The following MAP3K7 variants were observed in gnomAD, a reference collection of about 807,000 sequenced individuals.
MAP3K7 encodes TGF-beta activated kinase 1.
MAP3K7 carries 21 observed loss-of-function variants against 84.8 expected under a neutral mutation model. The observed-to-expected ratio is 0.25, with a 90% CI of 0.18 to 0.36. The LOEUF (loss-of-function observed/expected upper bound fraction) is 0.36, where lower values mean the gene tolerates loss of function less well. MAP3K7 is among the 10% of genes least tolerant of loss of function. MAP3K7 has a pLI of 1.00. For synonymous variants in MAP3K7, 241 were observed against 247.7 expected (o/e 0.97, Z 0.25); for missense variants, 503 against 747.7 (o/e 0.67, Z 3.82).
intron 9 of MAP3K7, among the ~76,000 whole-genome samples, chr6:90,550,175 T>C (rs1464263994): frequency 6.6e-6 from 1 of 152,158 alleles, no homozygotes; most frequent in Non-Finnish European, 1.5e-5. Flanking sequence ...GTAGTATGCA[T>C]GTAAAAGTGA....
At chr6:90,530,133 A>G (rs572815990) in intron 13 of MAP3K7, among the ~76,000 whole-genome samples, 4 of 152,352 alleles carry the variant, frequency 2.6e-5, no homozygotes, top group African/African-American at 9.6e-5. Flanking sequence ...GCCCATAGTT[A>G]TAACTGCTAT....
rs1234901635 is a variant in MAP3K7 at position 90,515,570 on chromosome 6, C to T, written c.*931G>A. On this transcript the variant is annotated 3_prime_UTR_variant, in exon 17 of 17. Transcript: ENST00000369329. ...GGTATCATAAAAAGAAATCTAAGTC[C>T]AAGCTTTTTTTAGCTGGAGTAATTA... 4 of 151,364 alleles carry T rather than the reference C, an allele frequency of 2.6e-5. No homozygotes were observed. Among genetic ancestry groups the T allele is most frequent in the Non-Finnish European group, 4.4e-5 (3 of 67,778 alleles). The allele number at this position is 151,364 out of a possible 1,614,324, so 9.4% of individuals were successfully genotyped here. A position where few individuals can be genotyped will look rare whatever the true frequency, so the allele number is the denominator to read the frequency against.
At chr6:90,580,926 AAAC>A (rs1414483135) in intron 1 of MAP3K7, among the ~76,000 whole-genome samples, 8 of 152,226 alleles carry the variant, frequency 5.3e-5, no homozygotes, top group Non-Finnish European at 1.0e-4. Context: ...CCTATGGTTG[AAAC>A]CTCTTTGTTT....
chr6:90,539,984 AC>A (rs1775804823), intron 12 of MAP3K7, among the ~76,000 whole-genome samples: 1 of 152,002 alleles, frequency 6.6e-6, no homozygotes. Context: ...AAAAGCGAAT[AC>A]GCGTTTTTTA....
chr6:90,565,352 T>C (rs935915416), intron 3 of MAP3K7, among the ~76,000 whole-genome samples: 2 of 151,940 alleles, frequency 1.3e-5, no homozygotes, highest in African/African-American at 2.4e-5. Context: ...AAGAATCAAA[T>C]AGACACGATA....
intron 13 of MAP3K7, among the ~76,000 whole-genome samples, chr6:90,525,189 A>G (rs1455169150): frequency 6.6e-6 from 1 of 152,124 alleles, no homozygotes; most frequent in African/African-American, 2.4e-5. Context: ...GAGAAAACAG[A>G]AAGTTAAAGG....
At chr6:90,584,227 T>C (rs1777370088) in intron 1 of MAP3K7, among the ~76,000 whole-genome samples, 1 of 152,148 alleles carries the variant, frequency 6.6e-6, no homozygotes, top group Non-Finnish European at 1.5e-5. Flanking sequence ...GAACTGGAAG[T>C]GTAATCTAAG....
intron 12 of MAP3K7, among the ~76,000 whole-genome samples, chr6:90,538,973 A>C (rs1423059975): frequency 6.6e-6 from 1 of 151,954 alleles, no homozygotes; most frequent in Non-Finnish European, 1.5e-5. Context: ...CCTAAATGTT[A>C]GAAATTTTGA....
At chr6:90,517,769 A>G (rs1226976528) in intron 16 of MAP3K7, among the ~76,000 whole-genome samples, 1 of 151,780 alleles carries the variant, frequency 6.6e-6, no homozygotes, top group Non-Finnish European at 1.5e-5. Context: ...ATTCAGAAAA[A>G]AACAACTTTC....
At chr6:90,545,063 T>C (rs748477511) in intron 11 of MAP3K7, among the ~76,000 whole-genome samples, 7 of 152,152 alleles carry the variant, frequency 4.6e-5, no homozygotes, top group Non-Finnish European at 8.8e-5. Flanking sequence ...ATGTTCAAGT[T>C]AGGTGTTTCT....
intron 5 of MAP3K7, 60 bp downstream of exon 5, chr6:90,560,016 G>A (rs1271427871): frequency 6.3e-7 from 1 of 1,594,594 alleles, no homozygotes; most frequent in African/African-American, 1.3e-5. Flanking sequence ...TGGGTTCGGG[G>A]TGGTGAGAGT....
At position 90,552,051 on chromosome 6, in the gene MAP3K7, G is replaced by A. The variant is rs2127974407; in HGVS notation, c.865C>T (p.Arg289Trp). 1 of 1,607,020 alleles carries A rather than the reference G, an allele frequency of 6.2e-7. No homozygotes were observed. The highest frequency in any genetic ancestry group is 1.1e-5 in the South Asian group (1 of 90,362). ...GCCCCTCAAAAGAAGGATTATACCC[G>A]CATCAAGTGAGTCATTATTTTCACA... ...EIVKIMTHLM[R>W]YFPGADEPLQ... Residue 289 changes from arginine to tryptophan, a missense_variant and splice_region_variant, in exon 8 of 17, where the codon CGG (arginine) becomes TGG (tryptophan). By Grantham distance (101) the Arg-to-Trp change is moderately radical. Around this residue, in one of 5 missense-constraint regions of MAP3K7, gnomAD observed 286 missense variants for 313.6 expected, o/e 0.91. Transcript: ENST00000369329.
chr6:90,561,996 G>A (rs1440289921), intron 3 of MAP3K7, among the ~76,000 whole-genome samples: 1 of 152,142 alleles, frequency 6.6e-6, no homozygotes, highest in Non-Finnish European at 1.5e-5. Context: ...TCACCTAAAA[G>A]AACTCTTCCG....
intron 2 of MAP3K7, among the ~76,000 whole-genome samples, chr6:90,570,809 T>C (rs157431): frequency 0.07 from 10,702 of 152,244 alleles, 1,302 homozygotes; most frequent in African/African-American, 0.24. Context: ...AAATGATCAA[T>C]AGCTTTATCT....
At chr6:90,572,113 GA>G (rs1300561551) in intron 1 of MAP3K7, among the ~76,000 whole-genome samples, 9 of 148,942 alleles carry the variant, frequency 6.0e-5, no homozygotes, top group Admixed American at 6.0e-4. Context: ...GTTAAATGGA[GA>G]AAAAAAAACT....
chr6:90,548,118 G>C lies in MAP3K7; in HGVS notation c.1009C>G (p.Gln337Glu), dbSNP rs774158291. ...ATAGTATCATTTGTGGCAGGAACTTGCTCCATATTAGTGTCACTTTTGTTA... is the reference window on the plus strand; with the variant it reads ...ATAGTATCATTTGTGGCAGGAACTTCCTCCATATTAGTGTCACTTTTGTTA... ...TSNKSDTNME[Q>E]VPATNDTIKR... is the part of the protein sequence containing the mutation. Residue 337 changes from glutamine to glutamate, a missense_variant, in exon 10 of 17, where the codon CAA becomes GAA. Transcript: ENST00000369329. 15 of 1,612,026 alleles carry C rather than the reference G, an allele frequency of 9.3e-6. No homozygotes were observed. Among genetic ancestry groups the C allele is most frequent in the Non-Finnish European group, 5.1e-6 (6 of 1,178,808 alleles).
intron 1 of MAP3K7, among the ~76,000 whole-genome samples, chr6:90,576,079 C>G (rs1313981071): frequency 6.6e-6 from 1 of 151,950 alleles, no homozygotes; most frequent in Non-Finnish European, 1.5e-5. Context: ...ATGCTATGAC[C>G]AAGAGACTAG....
intron 11 of MAP3K7, 84 bp downstream of exon 11, chr6:90,547,174 C>A: frequency 1.3e-6 from 2 of 1,505,416 alleles, no homozygotes; most frequent in East Asian, 4.7e-5. Flanking sequence ...AAGACACACA[C>A]AAAAAACCTT....
intron 6 of MAP3K7, among the ~76,000 whole-genome samples, chr6:90,555,232 T>C (rs1198055356): frequency 6.6e-6 from 1 of 152,160 alleles, no homozygotes; most frequent in Non-Finnish European, 1.5e-5. Flanking sequence ...TAATTCTTAG[T>C]ATCTTATTTC....
Sources: allele counts gnomAD v4.1 joint callset (sites outside exome capture counted in the v4.1 genomes callset), GRCh38; gene constraint gnomAD v4.1.1; regional missense constraint gnomAD v4.1.1; transcripts MANE v1.5; gene names NCBI Gene and HGNC (gene_info 2026-07-23, HGNC 2026-07-21).